ITGB3BP: variants seen among roughly 807,000 people sequenced by gnomAD.
The protein encoded by ITGB3BP is integrin subunit beta 3 binding protein.
Under a neutral mutation model 29.1 loss-of-function variants are expected in ITGB3BP, and 27 were observed. The ratio of observed to expected loss-of-function variants is 0.93; its 90% CI spans 0.68 to 1.28. The LOEUF (loss-of-function observed/expected upper bound fraction) is 1.28, where lower values mean the gene tolerates loss of function less well. Among genes scored for constraint, ITGB3BP ranks in the 50% most tolerant of loss-of-function variants. ITGB3BP has a pLI of 0.00. For missense variants in ITGB3BP, 192 were observed against 200.2 expected, an observed-to-expected ratio of 0.96 and a Z score of 0.25; for synonymous variants, 61 against 61.4, an observed-to-expected ratio of 0.99 and a Z score of 0.03.
At chr1:63,493,730 C>T (rs539056081) in intron 2 of ITGB3BP, among the ~76,000 whole-genome samples, 17 of 152,228 alleles carry the variant, frequency 1.1e-4, no homozygotes, top group Non-Finnish European at 1.2e-4. Flanking sequence ...TACTTTGTCA[C>T]CTTGTTTAAA....
chr1:63,449,442 A>G (rs1644833289), intron 7 of ITGB3BP: 1 of 152,172 alleles, frequency 6.6e-6, no homozygotes, highest in African/African-American at 2.4e-5. Context: ...ATCATGAAAG[A>G]AATTATTTAA....
At chr1:63,467,448 C>T (rs1209429553) in intron 4 of ITGB3BP, among the ~76,000 whole-genome samples, 1 of 151,892 alleles carries the variant, frequency 6.6e-6, no homozygotes, top group East Asian at 1.9e-4. Context: ...CTCCTGGGCC[C>T]TAGTGATCCT....
intron 4 of ITGB3BP, among the ~76,000 whole-genome samples, chr1:63,461,253 C>CAAAAA (rs35374545): frequency 1.2e-4 from 7 of 56,830 alleles, no homozygotes; most frequent in African/African-American, 3.4e-4. Flanking sequence ...GACTCCATCT[C>CAAAAA]AAAAAAAAAA....
At chr1:63,519,728 AC>A (rs1454634914) in intron 1 of ITGB3BP, among the ~76,000 whole-genome samples, 1 of 152,066 alleles carries the variant, frequency 6.6e-6, no homozygotes, top group Non-Finnish European at 1.5e-5. Flanking sequence ...TTTATAATCA[AC>A]CCACAAAATA....
intron 3 of ITGB3BP, among the ~76,000 whole-genome samples, chr1:63,486,707 A>G (rs1011999487): frequency 1.3e-5 from 2 of 151,994 alleles, no homozygotes; most frequent in Non-Finnish European, 2.9e-5. Context: ...CATTGGGAGC[A>G]CTTCCAGCAT....
intron 4 of ITGB3BP, among the ~76,000 whole-genome samples, chr1:63,471,158 A>G (rs751532524): frequency 4.6e-5 from 7 of 151,858 alleles, no homozygotes; most frequent in Non-Finnish European, 8.8e-5. Context: ...CACACTCTAA[A>G]AAGTTTCTTT....
intron 1 of ITGB3BP, among the ~76,000 whole-genome samples, chr1:63,518,473 A>C (rs958825001): frequency 4.0e-5 from 6 of 151,884 alleles, no homozygotes; most frequent in Non-Finnish European, 4.4e-5. Context: ...CATTTTGGAT[A>C]TTGATAGTTT....
intron 1 of ITGB3BP, among the ~76,000 whole-genome samples, chr1:63,518,247 A>G (rs963670298): frequency 2.0e-5 from 3 of 152,218 alleles, no homozygotes; most frequent in Non-Finnish European, 4.4e-5. Flanking sequence ...CAATTAACCA[A>G]TGAAATCGTC....
upstream of ITGB3BP, chr1:63,525,508 A>C: frequency 7.8e-7 from 1 of 1,277,942 alleles, no homozygotes; most frequent in Admixed American, 2.9e-5. Context: ...TTTGAAAGAC[A>C]TGGTGACATT....
intron 3 of ITGB3BP, among the ~76,000 whole-genome samples, chr1:63,487,239 C>A (rs1288546859): frequency 6.6e-6 from 1 of 151,678 alleles, no homozygotes; most frequent in Non-Finnish European, 1.5e-5. Context: ...CACAAAACTC[C>A]AAAAAATTTT....
intron 4 of ITGB3BP, among the ~76,000 whole-genome samples, chr1:63,463,768 T>C (rs1299945136): frequency 6.6e-6 from 1 of 152,188 alleles, no homozygotes; most frequent in East Asian, 1.9e-4. Context: ...TGACATGCCA[T>C]TAACTACTTG....
intron 4 of ITGB3BP, among the ~76,000 whole-genome samples, chr1:63,456,442 A>C (rs575645886): frequency 6.6e-6 from 1 of 152,280 alleles, no homozygotes; most frequent in East Asian, 1.9e-4. Context: ...TGGTATCATA[A>C]AGGAATTCCT....
chr1:63,505,702 T>C (rs1318704799), intron 2 of ITGB3BP, among the ~76,000 whole-genome samples: 1 of 152,182 alleles, frequency 6.6e-6, no homozygotes, highest in Non-Finnish European at 1.5e-5. Context: ...CCAGAGATTC[T>C]GGTATGTTGT....
chr1:63,515,184 T>C (rs35395940), intron 1 of ITGB3BP, among the ~76,000 whole-genome samples: 161 of 152,318 alleles, frequency 1.1e-3, no homozygotes, highest in African/African-American at 3.8e-3. Flanking sequence ...AATTAATTTT[T>C]GTATGTAATA....
chr1:63,498,667 T>C (rs1441537307), intron 2 of ITGB3BP, among the ~76,000 whole-genome samples: 4 of 138,562 alleles, frequency 2.9e-5, no homozygotes, highest in Non-Finnish European at 6.3e-5. Flanking sequence ...AAAAGCAAAC[T>C]AAACCCAAGG....
chr1:63,497,629 G>A (rs1189546013), intron 2 of ITGB3BP, among the ~76,000 whole-genome samples: 1 of 152,164 alleles, frequency 6.6e-6, no homozygotes, highest in Non-Finnish European at 1.5e-5. Context: ...TGCAAAAAAT[G>A]TATGTCAAAG....
chr1:63,448,931 A>G (rs1331137451), intron 7 of ITGB3BP, among the ~76,000 whole-genome samples: 5 of 152,204 alleles, frequency 3.3e-5, no homozygotes, highest in African/African-American at 7.2e-5. Context: ...GAAAATGTCT[A>G]TAAAATTTGT....
chr1:63,492,189 C>CTGTGTG (rs10610086), intron 2 of ITGB3BP, among the ~76,000 whole-genome samples: 1,929 of 149,048 alleles, frequency 0.013, 44 homozygotes, highest in African/African-American at 0.045. Context: ...TGCATGTGCT[C>CTGTGTG]TGTGTGTGTG....
Position 63,502,293 on chromosome 1 carries a change from G to C in ITGB3BP, c.48+6235C>G, listed in dbSNP as rs898472039. ...AACACCCAACAATTTGTGAGGTTTA[G>C]CAAATTGTGGTACTGGCAGTATACA... On this transcript the variant is annotated intron_variant, in intron 2 of 8. Coordinates refer to ENST00000271002, the MANE Select transcript of ITGB3BP (RefSeq NM_014288.5). 3.3e-5 allele frequency among the ~76,000 whole-genome samples: 5 copies of C among 152,114 alleles called. No individual in the cohort carries two copies. In the South Asian group the frequency reaches 1.0e-3, roughly 32 times the overall value.
Sources: gnomAD v4.1 joint callset for allele counts (sites outside exome capture counted in the v4.1 genomes callset) on GRCh38, gnomAD v4.1.1 for gene constraint, MANE v1.5 for transcripts, NCBI Gene and HGNC (gene_info 2026-07-23, HGNC 2026-07-21) for gene names.